XYLT2: variants seen among roughly 807,000 people sequenced by gnomAD.
The protein encoded by XYLT2 is xylosyltransferase 2.
A neutral mutation model predicts 82.6 loss-of-function variants in XYLT2; 37 were observed. The ratio of observed to expected loss-of-function variants is 0.45; its 90% CI spans 0.34 to 0.59. The LOEUF is 0.59. Among genes scored for constraint, XYLT2 ranks in the 20% least tolerant of loss-of-function variants. The pLI, the probability that XYLT2 is intolerant of heterozygous loss-of-function variation, is 0.01. For synonymous variants in XYLT2, 474 were observed against 499.0 expected (o/e 0.95, Z 0.67); for missense variants, 934 against 1,181.3 (o/e 0.79, Z 3.07).
At position 50,346,677 on chromosome 17, in the gene XYLT2, G is replaced by A; in HGVS notation, c.135+402G>A. 1.0e-6 allele frequency: 1 copy of A among 985,392 alleles called. No individual in the cohort carries two copies. Among genetic ancestry groups the A allele is most frequent in the Non-Finnish European group, 1.2e-6 (1 of 829,910 alleles). 61.0% of individuals were successfully genotyped at this position (985,392 alleles called of 1,614,324 possible). ...AAGTTGGGAGGGGGCGGGGATATGC[G>A]CGCCGTGGGCGGAGGAGTAGGGCCA... is the stretch of plus-strand genomic sequence containing the variant. On this transcript the variant is annotated intron_variant, in intron 1 of 10. Transcript: ENST00000017003. The surrounding 1 kb of genome is among the most constrained non-coding windows in gnomAD (Gnocchi z 5.1).
Position 50,346,162 on chromosome 17 carries a change from C to T in XYLT2, c.22C>T (p.Gln8Ter). Reference sequence around the variant, plus strand: ...GAAGATGGTGGCGAGCGCGCGAGTGCAGAAGCTGGTGCGGCGCTACAAGCT... The same window carrying T: ...GAAGATGGTGGCGAGCGCGCGAGTGTAGAAGCTGGTGCGGCGCTACAAGCT... Reference protein sequence around the residue: MVASARVQKLVRRYKLAI... With the variant: MVASARV The change falls in exon 1 of 11, where the codon CAG becomes TAG. Residue 8 changes from glutamine to a stop codon, truncating the protein, a stop_gained. Transcript: ENST00000017003. LOFTEE classifies it high-confidence loss of function. This position sits in a 1 kb window ranked among gnomAD's most constrained non-coding sequence, Gnocchi z 5.1. 1.6e-6 allele frequency: 2 copies of T among 1,280,836 alleles called. No individual in the cohort carries two copies. The highest frequency in any genetic ancestry group is 4.5e-5 in the East Asian group (1 of 22,164). 79.3% of individuals were successfully genotyped at this position (1,280,836 alleles called of 1,614,324 possible).
Position 50,346,202 on chromosome 17 carries a change from C to G in XYLT2, c.62C>G (p.Ala21Gly). Reference protein sequence around the residue: ...VRRYKLAIATALAILLLQGLV... With the variant: ...VRRYKLAIATGLAILLLQGLV... Reference sequence around the variant, plus strand: ...CGCTACAAGCTGGCGATTGCCACGGCGCTGGCCATCCTGCTGCTGCAGGGC... The same window carrying G: ...CGCTACAAGCTGGCGATTGCCACGGGGCTGGCCATCCTGCTGCTGCAGGGC... The change falls in exon 1 of 11, where the codon GCG (alanine) becomes GGG (glycine). Residue 21 changes from alanine (A) to glycine (G), a missense_variant. Ala to Gly is a moderately conservative substitution (Grantham distance 60, BLOSUM62 0). Transcript: ENST00000017003. This position sits in a 1 kb window ranked among gnomAD's most constrained non-coding sequence, Gnocchi z 5.1. The G allele has an allele frequency of 7.7e-7, 1 of 1,293,206 alleles. No homozygotes were observed. Among genetic ancestry groups the G allele is most frequent in the Middle Eastern group, 2.9e-4 (1 of 3,496 alleles). The allele number at this position is 1,293,206 out of a possible 1,614,324, so 80.1% of individuals were successfully genotyped here.
chr17:50,353,470 G>T (rs562144104), intron 1 of XYLT2, among the ~76,000 whole-genome samples, 160 bp from the exon 2 acceptor site: 1 of 152,294 alleles, frequency 6.6e-6, no homozygotes, highest in East Asian at 1.9e-4. Context: ...TGCTCCCATG[G>T]TGGTACTGAT....
chr17:50,360,136 G>C lies in XYLT2; in HGVS notation c.2443G>C (p.Glu815Gln), dbSNP rs1363238979. 15 of 1,614,034 alleles carry C rather than the reference G, an allele frequency of 9.3e-6. No individual in the cohort carries two copies. Among genetic ancestry groups the C allele is most frequent in the Non-Finnish European group, 1.3e-5 (15 of 1,179,984 alleles). Residue 815 changes from glutamate to glutamine, a missense_variant, in exon 11 of 11, where the codon GAA becomes CAA. Coordinates refer to ENST00000017003, the MANE Select transcript of XYLT2 (RefSeq NM_022167.4). ...GPALEAWTDR[E>Q]LSSFWSVAGL... ...TGCGCTCGAGGCCTGGACAGACAGG[G>C]AACTGAGCAGCTTCTGGTCCGTGGC...
At position 50,356,759 on chromosome 17, in the gene XYLT2, C is replaced by T; in HGVS notation, c.1731C>T (p.Gly577=). ...CCGCCACTGCTGCACCCCCAATGGG[C>T]ACCCCACTCTGCAGGTGAGACCCCC... is the stretch of plus-strand genomic sequence containing the variant. ...HHAATAAPPM[G]TPLCRFEPRG... The change falls in exon 8 of 11, where the codon GGC becomes GGT. Residue 577 remains glycine, a synonymous_variant. Coordinates refer to ENST00000017003, the MANE Select transcript of XYLT2 (RefSeq NM_022167.4). The T allele has an allele frequency of 1.2e-6, 2 of 1,603,572 alleles. No homozygotes were observed. Among genetic ancestry groups the T allele is most frequent in the Non-Finnish European group, 1.7e-6 (2 of 1,179,552 alleles).
chr17:50,353,672 G>A lies in XYLT2; in HGVS notation c.178G>A (p.Gly60Ser). ...GCCACGGCCACTGGACCCTGGCGAG[G>A]GTTCCAAGGACACAGACAGTTCAGC... ...RKPRPLDPGE[G>S]SKDTDSSAGR... Residue 60 changes from glycine (G) to serine (S), a missense_variant, in exon 2 of 11, where the codon GGT becomes AGT. By Grantham distance (56) the Gly-to-Ser change is moderately conservative. This residue lies in a region of XYLT2 where 371 missense variants were observed against 394.9 expected (regional missense o/e 0.94). Transcript: ENST00000017003. The A allele has an allele frequency of 6.4e-7, 1 of 1,566,604 alleles. No homozygotes were observed. Among genetic ancestry groups the A allele is most frequent in the Non-Finnish European group, 8.7e-7 (1 of 1,154,494 alleles).
intron 10 of XYLT2, 83 bp downstream of exon 10, chr17:50,358,623 C>A: frequency 7.3e-7 from 1 of 1,373,824 alleles, no homozygotes; most frequent in Non-Finnish European, 9.8e-7. Context: ...AGCCAACCAT[C>A]AGAGCTGACT....
Position 50,350,530 on chromosome 17 carries a change from G to A in XYLT2, c.136-3100G>A, listed in dbSNP as rs1486037844. The stretch of plus-strand genomic sequence containing the variant: ...TGGAGTGAGCCGAGATTGCACCACT[G>A]CACTCCAGCCTGGGCAATAGAGTGA... On this transcript the variant is annotated intron_variant, in intron 1 of 10. Transcript: ENST00000017003. Among the ~76,000 whole-genome samples the A allele has an allele frequency of 4.0e-5, 6 of 148,310 alleles. 1 individual carries two copies. Among genetic ancestry groups the A allele is most frequent in the Non-Finnish European group, 7.4e-5 (5 of 67,118 alleles).
In XYLT2 at chr17:50,354,997, G is replaced by C; in HGVS notation, c.948G>C (p.Glu316Asp). The change falls in exon 4 of 11, where the codon GAG becomes GAC. Residue 316 changes from glutamate (E) to aspartate (D), a missense_variant. Glu to Asp is a conservative substitution (Grantham distance 45). Transcript: ENST00000017003. Reference sequence around the variant, plus strand: ...TGCGGAGCATGCGGGACCTGCTAGAGGTGCCTGGCTGGGCCTGGGACTTCT... The same window carrying C: ...TGCGGAGCATGCGGGACCTGCTAGACGTGCCTGGCTGGGCCTGGGACTTCT... ...MYLRSMRDLL[E>D]VPGWAWDFFI... 1 of 1,550,386 alleles carries C rather than the reference G, an allele frequency of 6.5e-7. No individual in the cohort carries two copies.
chr17:50,354,748 G>T, intron 3 of XYLT2, 106 bp from the exon 4 acceptor site: 1 of 1,554,850 alleles, frequency 6.4e-7, no homozygotes, highest in Non-Finnish European at 8.7e-7. Context: ...AGGGGCTGGA[G>T]CCCTGCCCTG....
Position 50,355,484 on chromosome 17 carries a change from C to T in XYLT2, c.1008-17C>T, listed in dbSNP as rs749480234. ...AACTATCTCATGTGGCTGCCTGTCA[C>T]CCCATTCCTTCACCAGGACCAATGA... On this transcript the variant is annotated splice_polypyrimidine_tract_variant and intron_variant, in intron 4 of 10. Transcript: ENST00000017003. 3.1e-6 allele frequency: 5 copies of T among 1,613,788 alleles called. No homozygotes were observed. The South Asian group carries it at 5.5e-5, about 18-fold the overall frequency.
Position 50,356,189 on chromosome 17 carries a change from G to A in XYLT2, c.1410G>A (p.Gln470=). ...NWNRKLGCKC[Q]YKHIVDWCGC... ...ACCGCAAGCTGGGCTGCAAGTGCCA[G>A]TACAAGCACATTGTGGACTGGTGTG... The change falls in exon 7 of 11, where the codon CAG becomes CAA. Residue 470 remains glutamine (Q), a synonymous_variant. Coordinates refer to ENST00000017003, the MANE Select transcript of XYLT2 (RefSeq NM_022167.4). 6.2e-6 allele frequency: 10 copies of A among 1,614,238 alleles called. No homozygotes were observed. The highest frequency in any genetic ancestry group is 8.5e-6 in the Non-Finnish European group (10 of 1,180,032).
At chr17:50,359,892 C>T (rs1300785999) in intron 10 of XYLT2, 77 bp from the exon 11 acceptor site, 2 of 1,358,314 alleles carry the variant, frequency 1.5e-6, no homozygotes, top group Non-Finnish European at 2.0e-6. Context: ...ACTGGGGTAC[C>T]CAGACCCAAC....
chr17:50,360,808 T>C lies in XYLT2; in HGVS notation c.*517T>C, dbSNP rs1035531482. The C allele has an allele frequency of 1.2e-5, 12 of 986,026 alleles. No homozygotes were observed. Among genetic ancestry groups the C allele is most frequent in the Non-Finnish European group, 1.4e-5 (12 of 830,192 alleles). The allele number at this position is 986,026 out of a possible 1,614,324, so 61.1% of individuals were successfully genotyped here. A position where few individuals can be genotyped will look rare whatever the true frequency, so the allele number is the denominator to read the frequency against. ...GCTCGTGGCTGAGGCTCCACAGGGC[T>C]GCAAGTGCCCTGCCAGGCTCTAAGG... On this transcript the variant is annotated 3_prime_UTR_variant, in exon 11 of 11. Transcript: ENST00000017003.
chr17:50,348,619 G>T (rs923924065), intron 1 of XYLT2, among the ~76,000 whole-genome samples: 37 of 152,192 alleles, frequency 2.4e-4, no homozygotes, highest in African/African-American at 8.4e-4. Context: ...AGTTTCCAAA[G>T]CTTCCACAAA....
At chr17:50,351,598 C>T (rs896334039) in intron 1 of XYLT2, among the ~76,000 whole-genome samples, 10 of 152,096 alleles carry the variant, frequency 6.6e-5, no homozygotes, top group Admixed American at 4.6e-4. Flanking sequence ...TGCGCCACTG[C>T]ACCCCAGCCT....
rs185558044 is a variant in XYLT2, at chr17:50,356,812, G to A, written c.1745+39G>A. ...CTGACATACAGCAGGCCCTTGGGGT[G>A]TGGTGCCCTAGGGGGAGGCCAACCA... is the stretch of plus-strand genomic sequence containing the variant. On this transcript the variant is annotated intron_variant, in intron 8 of 10. Transcript: ENST00000017003. The A allele has an allele frequency of 3.4e-4, 529 of 1,576,810 alleles. 5 individuals carry two copies. In the East Asian group the frequency reaches 0.01, roughly 30 times the overall value.
rs756927756 is a variant in XYLT2, at chr17:50,353,652, G to A, written c.158G>A (p.Arg53Gln). The A allele has an allele frequency of 3.0e-5, 47 of 1,565,918 alleles. No individual in the cohort carries two copies. In the East Asian group the frequency reaches 4.3e-4, roughly 14 times the overall value. Residue 53 changes from arginine (R) to glutamine (Q), a missense_variant, in exon 2 of 11, where the codon CGG becomes CAG. By Grantham distance (43) the Arg-to-Gln change is conservative. Transcript: ENST00000017003. ...CAGAAAGGAAGGCAGAGGAAGCCAC[G>A]GCCACTGGACCCTGGCGAGGGTTCC... The part of the protein sequence containing the change: ...AGEKGRQRKP[R>Q]PLDPGEGSKD...
intron 1 of XYLT2, among the ~76,000 whole-genome samples, chr17:50,350,526 C>CT (rs879435605): frequency 0.38 from 43,726 of 114,746 alleles, 10,571 homozygotes; most frequent in East Asian, 0.87. Context: ...GAGATTGCAC[C>CT]ACTGCACTCC....
Sources: gnomAD v4.1 joint callset for allele counts (sites outside exome capture counted in the v4.1 genomes callset) on GRCh38, gnomAD v4.1.1 for gene constraint, gnomAD v4.1.1 regional missense constraint, Gnocchi (gnomAD v3.1) non-coding constraint, MANE v1.5 for transcripts, NCBI Gene and HGNC (gene_info 2026-07-23, HGNC 2026-07-21) for gene names.